The following MAP7D2 variants were observed in gnomAD, a reference collection of about 807,000 sequenced individuals.
MAP7D2 encodes the protein MAP7 domain containing 2.
A neutral mutation model predicts 63.5 loss-of-function variants in MAP7D2; 33 were observed. The observed-to-expected ratio is 0.52, with a 90% CI of 0.39 to 0.70. The LOEUF is 0.70. Among genes scored for constraint, MAP7D2 ranks in the 30% least tolerant of loss-of-function variants. MAP7D2 has a pLI of 0.00. For synonymous variants in MAP7D2, 224 were observed against 223.7 expected, an observed-to-expected ratio of 1.00 and a Z score of -0.01; for missense variants, 626 against 604.0, an observed-to-expected ratio of 1.04 and a Z score of -0.38.
chrX:20,021,351 G>A (rs780854357), intron 10 of MAP7D2: 1 of 112,399 alleles, frequency 8.9e-6, no homozygotes, highest in Non-Finnish European at 1.9e-5. Context: ...TCCACGGTTT[G>A]ACTCAAGTAA....
At chrX:20,011,198 T>G in intron 15 of MAP7D2, 146 bp from the exon 16 acceptor site, 1 of 578,446 alleles carries the variant, frequency 1.7e-6, no homozygotes. Context: ...TAACACACTG[T>G]AAAAAATACA....
chrX:20,010,666 T>C (rs1228402736), intron 16 of MAP7D2, 111 bp downstream of exon 16: 3 of 586,566 alleles, frequency 5.1e-6, no homozygotes, highest in Non-Finnish European at 8.1e-6. Flanking sequence ...TATTCATGTT[T>C]GCGTTTTTCA....
Position 20,042,583 on chromosome X carries a change from A to G in MAP7D2, c.926T>C (p.Val309Ala), listed in dbSNP as rs2064687600. 2 of 1,211,828 alleles carry G rather than the reference A, an allele frequency of 1.7e-6. No individual in the cohort carries two copies. Among genetic ancestry groups the G allele is most frequent in the Non-Finnish European group, 2.2e-6 (2 of 895,440 alleles). ...TCTCAGAGGGGACCCGAAGTTCACAACAGGAAGAGAAGTTGCTGTTCGTTG... is the reference window on the plus strand; with the variant it reads ...TCTCAGAGGGGACCCGAAGTTCACAGCAGGAAGAGAAGTTGCTGTTCGTTG... ...RGQRTATSLP[V>A]VNFGSPLRRC... Residue 309 changes from valine (V) to alanine (A), a missense_variant, in exon 8 of 17, where the codon GTT becomes GCT. Val to Ala is a moderately conservative substitution (Grantham distance 64). Transcript: ENST00000379643.
At chrX:20,084,201 A>C (rs1313170004) in intron 1 of MAP7D2, among the ~76,000 whole-genome samples, 71 of 108,774 alleles carry the variant, frequency 6.5e-4, no homozygotes, top group African/African-American at 2.3e-3. Flanking sequence ...ACTCACAAAA[A>C]AAAAAAAAAA....
At chrX:20,008,602 T>C (rs1054362439) in intron 16 of MAP7D2, among the ~76,000 whole-genome samples, 1 of 112,170 alleles carries the variant, frequency 8.9e-6, no homozygotes, top group Non-Finnish European at 1.9e-5. Context: ...TTCTTTTAGA[T>C]GGGTCAAATT....
chrX:20,015,515 C>A (rs976581034), intron 11 of MAP7D2, among the ~76,000 whole-genome samples, 188 bp from the exon 12 acceptor site: 4 of 112,506 alleles, frequency 3.6e-5, no homozygotes, highest in Non-Finnish European at 7.5e-5. Flanking sequence ...CATTCATATA[C>A]CCCTGGCTCA....
intron 10 of MAP7D2, among the ~76,000 whole-genome samples, chrX:20,018,163 A>C (rs1225157166): frequency 9.1e-6 from 1 of 109,775 alleles, no homozygotes. Context: ...ACGGGGTTTC[A>C]CCATGTTGGT....
chrX:20,105,708 TC>T (rs1158890463), intron 1 of MAP7D2, among the ~76,000 whole-genome samples: 2 of 111,029 alleles, frequency 1.8e-5, no homozygotes, highest in Non-Finnish European at 3.8e-5. Context: ...GCCCATTGAA[TC>T]CCGACTCAGC....
At chrX:20,038,361 A>G (rs916254104) in intron 8 of MAP7D2, among the ~76,000 whole-genome samples, 24 of 111,917 alleles carry the variant, frequency 2.1e-4, no homozygotes, top group Non-Finnish European at 3.8e-5. Flanking sequence ...CAGTGGGCTC[A>G]TGCTCATGGA....
chrX:20,054,368 G>A (rs1470571694), intron 4 of MAP7D2, among the ~76,000 whole-genome samples: 1 of 111,863 alleles, frequency 8.9e-6, no homozygotes, highest in Admixed American at 9.4e-5. Context: ...TGCTCAGCAT[G>A]GCACCAGTCT....
chrX:20,068,974 C>T (rs2065429683), intron 1 of MAP7D2, among the ~76,000 whole-genome samples: 1 of 111,787 alleles, frequency 8.9e-6, no homozygotes, highest in Non-Finnish European at 1.9e-5. Context: ...CCTTTCGCCT[C>T]CCTCCATGAT....
intron 4 of MAP7D2, among the ~76,000 whole-genome samples, chrX:20,054,239 CTTTT>C (rs2065017919): frequency 8.9e-6 from 1 of 112,105 alleles, no homozygotes; most frequent in Non-Finnish European, 1.9e-5. Flanking sequence ...TTTTAATACT[CTTTT>C]CAATTTTTCC....
At position 20,080,170 on chromosome X, in the gene MAP7D2, G is replaced by A. The variant is rs373883401; in HGVS notation, c.131-15365C>T. ...GCATATTCTATTCACAGCATGATTT[G>A]CTAGTTAAAAGAAACCTATACAGCT... On this transcript the variant is annotated intron_variant, in intron 1 of 16. Coordinates refer to ENST00000379643, the MANE Select transcript of MAP7D2 (RefSeq NM_001168465.2). Among the ~76,000 whole-genome samples, 10 of 110,680 alleles carry A rather than the reference G, an allele frequency of 9.0e-5. No homozygotes were observed. In the South Asian group the frequency reaches 1.2e-3, roughly 13 times the overall value.
intron 1 of MAP7D2, among the ~76,000 whole-genome samples, chrX:20,086,666 C>A (rs2065917877): frequency 1.8e-5 from 2 of 111,184 alleles, no homozygotes; most frequent in Non-Finnish European, 3.8e-5. Flanking sequence ...TAAGAGATTT[C>A]GACAACAGCC....
intron 3 of MAP7D2, among the ~76,000 whole-genome samples, chrX:20,059,631 G>C (rs2065151361): frequency 1.0e-5 from 1 of 99,766 alleles, no homozygotes; most frequent in East Asian, 3.0e-4. Context: ...AGGAAGGGTG[G>C]AAGGAAGGAA....
At chrX:20,055,680 G>T in intron 4 of MAP7D2, 2 of 693,017 alleles carry the variant, frequency 2.9e-6, no homozygotes, top group African/African-American at 2.2e-5. Flanking sequence ...GATGGGGGAG[G>T]ATGATCAGAA....
At chrX:20,076,456 A>G (rs934190433) in intron 1 of MAP7D2, among the ~76,000 whole-genome samples, 1 of 111,970 alleles carries the variant, frequency 8.9e-6, no homozygotes, top group Non-Finnish European at 1.9e-5. Context: ...CTGTAATCCC[A>G]GCACTTTGGG....
chrX:20,055,965 TA>T (rs2065060092), intron 4 of MAP7D2: 1 of 286,096 alleles, frequency 3.5e-6, no homozygotes, highest in South Asian at 3.5e-5. Context: ...AAAGAAAAAA[TA>T]AAGTATATTT....
At chrX:20,048,519 TC>T (rs1268989784) in intron 6 of MAP7D2, among the ~76,000 whole-genome samples, 1 of 110,905 alleles carries the variant, frequency 9.0e-6, no homozygotes, top group Non-Finnish European at 1.9e-5. Flanking sequence ...AAATCACTGA[TC>T]CTGGAGTTGC....
Sources: gnomAD v4.1 joint callset for allele counts (sites outside exome capture counted in the v4.1 genomes callset) on GRCh38, gnomAD v4.1.1 for gene constraint, MANE v1.5 for transcripts, NCBI Gene and HGNC (gene_info 2026-07-23, HGNC 2026-07-21) for gene names.